Variants in PIK3CD observed in about 807,000 individuals in gnomAD.
The protein encoded by PIK3CD is phosphatidylinositol-4,5-bisphosphate 3-kinase catalytic subunit delta.
Under a neutral mutation model 122.9 loss-of-function variants are expected in PIK3CD, and 20 were observed. The observed-to-expected ratio is 0.16, with a 90% confidence interval of 0.11 to 0.24. The LOEUF (loss-of-function observed/expected upper bound fraction) is 0.24, where lower values mean the gene tolerates loss of function less well. Among genes scored for constraint, PIK3CD ranks in the 10% least tolerant of loss-of-function variants. The pLI is 1.00. For synonymous variants in PIK3CD, 596 were observed against 593.4 expected (o/e 1.00, Z -0.06); for missense variants, 787 against 1,406.3 (o/e 0.56, Z 7.04).
chr1:9,722,638 TGTCTGTGCCCAGCCTGGGA>T lies in PIK3CD; in HGVS notation c.2426+43_2426+61del. 6.4e-7 allele frequency: 1 copy of T among 1,572,036 alleles called. No individual in the cohort carries two copies. The highest frequency in any genetic ancestry group is 8.8e-7 in the Non-Finnish European group (1 of 1,142,364). On this transcript the variant is annotated intron_variant, in intron 19 of 23. Coordinates refer to ENST00000377346, the MANE Select transcript of PIK3CD (RefSeq NM_005026.5). The surrounding 1 kb of genome is among the most constrained non-coding windows in gnomAD (Gnocchi z 7.6). Reference sequence around the variant, plus strand: ...ACCCCCACCCCACATCGTCCCTTGGTGTCTGTGCCCAGCCTGGGAGTCTGTGCCCCTGGAGGGGTCCTTG... The same window carrying T: ...ACCCCCACCCCACATCGTCCCTTGGTGTCTGTGCCCCTGGAGGGGTCCTTG...
At chr1:9,672,428 A>G (rs527463957) in intron 1 of PIK3CD, 1 of 151,082 alleles carries the variant, frequency 6.6e-6, no homozygotes, top group African/African-American at 2.4e-5. Flanking sequence ...TGCCGAGATT[A>G]TTTATTTATT....
chr1:9,662,891 G>A (rs745827662), intron 1 of PIK3CD, among the ~76,000 whole-genome samples: 6 of 152,094 alleles, frequency 3.9e-5, no homozygotes, highest in Admixed American at 6.6e-5. Flanking sequence ...GTTTCACCAT[G>A]TTGGCCAGGC....
At chr1:9,639,150 C>G in the PIK3CD span, among the ~76,000 whole-genome samples, 4 of 152,084 alleles carry the variant, frequency 2.6e-5, no homozygotes, top group African/African-American at 9.7e-5. Context: ...AATCCTAAAC[C>G]TTCTCCCTCT....
intron 1 of PIK3CD, chr1:9,654,194 T>C: frequency 7.3e-7 from 1 of 1,364,002 alleles, no homozygotes; most frequent in Non-Finnish European, 9.8e-7. Flanking sequence ...GCCACACTAC[T>C]CACTTAGATG....
Position 9,726,931 on chromosome 1 carries a change from CAG to C in PIK3CD, c.3023_3024del (p.Glu1008GlyfsTer12). The C allele has an allele frequency of 6.2e-7, 1 of 1,613,878 alleles. No individual in the cohort carries two copies. Among genetic ancestry groups the C allele is most frequent in the South Asian group, 1.1e-5 (1 of 91,066 alleles). On this transcript the variant is annotated frameshift_variant, in exon 24 of 24. Coordinates refer to ENST00000377346, the MANE Select transcript of PIK3CD (RefSeq NM_005026.5). LOFTEE classifies it high-confidence loss of function. ...CAGGACTCCCTGGCACTGGGGAAAA[CAG>C]AGGAGGAGGCACTGAAGCACTTCCG...
upstream of PIK3CD, among the ~76,000 whole-genome samples, chr1:9,647,512 AT>A (rs1570018454): frequency 6.8e-6 from 1 of 147,738 alleles, no homozygotes. Flanking sequence ...TATTATTATT[AT>A]TATTATTAGA....
the PIK3CD span, among the ~76,000 whole-genome samples, chr1:9,632,033 A>G: frequency 1.9e-4 from 24 of 125,048 alleles, no homozygotes; most frequent in African/African-American, 7.0e-4. Flanking sequence ...TTTTTTTGAG[A>G]TGGAATTTTG....
the PIK3CD span, among the ~76,000 whole-genome samples, chr1:9,633,991 T>A: frequency 6.6e-6 from 1 of 151,706 alleles, no homozygotes; most frequent in Non-Finnish European, 1.5e-5. Flanking sequence ...TTCTTTTTTT[T>A]AGACAGGGCC....
At chr1:9,692,221 C>T (rs1276132454) in intron 2 of PIK3CD, among the ~76,000 whole-genome samples, 1 of 152,158 alleles carries the variant, frequency 6.6e-6, no homozygotes, top group East Asian at 1.9e-4. Context: ...CGAGACCTGC[C>T]GGTCCCCTTG....
chr1:9,701,739 G>A (rs1646640503), intron 2 of PIK3CD, among the ~76,000 whole-genome samples: 1 of 151,730 alleles, frequency 6.6e-6, no homozygotes, highest in Non-Finnish European at 1.5e-5. Flanking sequence ...AACTACCAAG[G>A]ATAATTGTGA....
At chr1:9,654,757 G>A (rs1442027254) in intron 1 of PIK3CD, among the ~76,000 whole-genome samples, 1 of 152,138 alleles carries the variant, frequency 6.6e-6, no homozygotes, top group African/African-American at 2.4e-5. Flanking sequence ...CTTAACGTGG[G>A]ACCTTCAGAA....
At chr1:9,705,242 C>T (rs765288486) in intron 2 of PIK3CD, among the ~76,000 whole-genome samples, 10 of 148,394 alleles carry the variant, frequency 6.7e-5, no homozygotes, top group Non-Finnish European at 1.3e-4. Flanking sequence ...ATACTGAGGC[C>T]AGTGGATCAC....
chr1:9,722,697 A>T lies in PIK3CD; in HGVS notation c.2426+91A>T, dbSNP rs1240982894. The stretch of plus-strand genomic sequence containing the variant: ...AGGGGTCCTTGTTGAAGGTGGCATG[A>T]CCATCTCAGCCGGGGAAAGGGCTTT... On this transcript the variant is annotated intron_variant, in intron 19 of 23. Coordinates refer to ENST00000377346, the MANE Select transcript of PIK3CD (RefSeq NM_005026.5). This position sits in a 1 kb window ranked among gnomAD's most constrained non-coding sequence, Gnocchi z 7.6. 2 of 1,121,508 alleles carry T rather than the reference A, an allele frequency of 1.8e-6. No homozygotes were observed. The highest frequency in any genetic ancestry group is 1.5e-5 in the African/African-American group (1 of 65,258). The allele number at this position is 1,121,508 out of a possible 1,614,324, so 69.5% of individuals were successfully genotyped here.
intron 3 of PIK3CD, among the ~76,000 whole-genome samples, chr1:9,714,725 C>T (rs957157295): frequency 3.3e-5 from 5 of 152,230 alleles, no homozygotes; most frequent in African/African-American, 9.6e-5. Context: ...CCTCCTTTCC[C>T]GTCTTCTTTG....
chr1:9,683,471 C>CA (rs377322907), intron 1 of PIK3CD, among the ~76,000 whole-genome samples: 2 of 40,166 alleles, frequency 5.0e-5, no homozygotes, highest in Admixed American at 2.9e-4. Context: ...ACAACAACAA[C>CA]AAAAAAAACG....
rs1337986975 is a variant in PIK3CD at position 9,700,974 on chromosome 1, G to A, written c.-33+9403G>A. ...CTGGGTCAAGCCACTGTCATTAGTG[G>A]CACCGGCCTCCTTCCCCTGCCCCCT... On this transcript the variant is annotated intron_variant, in intron 2 of 23. Transcript: ENST00000377346. This position sits in a 1 kb window ranked among gnomAD's most constrained non-coding sequence, Gnocchi z 5.1. Among the ~76,000 whole-genome samples the A allele has an allele frequency of 6.6e-6, 1 of 152,022 alleles. No individual in the cohort carries two copies. Among genetic ancestry groups the A allele is most frequent in the African/African-American group, 2.4e-5 (1 of 41,398 alleles).
chr1:9,647,380 T>G (rs1644618515), upstream of PIK3CD, among the ~76,000 whole-genome samples: 1 of 151,700 alleles, frequency 6.6e-6, no homozygotes, highest in Admixed American at 6.6e-5. Context: ...AGTGACAGAG[T>G]GAGACCCTGT....
chr1:9,661,682 G>A lies in PIK3CD; in HGVS notation c.-138+9880G>A, dbSNP rs538975855. Among the ~76,000 whole-genome samples, 5 of 151,722 alleles carry A rather than the reference G, an allele frequency of 3.3e-5. No individual in the cohort carries two copies. In the East Asian group the frequency reaches 9.8e-4, roughly 30 times the overall value. On this transcript the variant is annotated intron_variant, in intron 1 of 23. Transcript: ENST00000377346. ...TTGAGACCAGCATGGCCAACATGGC[G>A]AAACCCCGTCTCTACAAAAAAATAC...
Position 9,722,372 on chromosome 1 carries a change from C to T in PIK3CD, c.2347+16C>T, listed in dbSNP as rs2100979502. ...AACGGGGATGGTGAGGGCCTGGCCTCCCCACACCCCGCCTGTACTGCCCTG... is the reference window on the plus strand; with the variant it reads ...AACGGGGATGGTGAGGGCCTGGCCTTCCCACACCCCGCCTGTACTGCCCTG... On this transcript the variant is annotated intron_variant, in intron 18 of 23. Coordinates refer to ENST00000377346, the MANE Select transcript of PIK3CD (RefSeq NM_005026.5). This position sits in a 1 kb window ranked among gnomAD's most constrained non-coding sequence, Gnocchi z 7.6. The T allele has an allele frequency of 6.3e-7, 1 of 1,597,550 alleles. No homozygotes were observed.
Sources: allele counts gnomAD v4.1 joint callset (sites outside exome capture counted in the v4.1 genomes callset), GRCh38; gene constraint gnomAD v4.1.1; non-coding constraint Gnocchi (gnomAD v3.1); transcripts MANE v1.5; gene names NCBI Gene and HGNC (gene_info 2026-07-23, HGNC 2026-07-21).